Variants in CERS6 observed in about 807,000 individuals in gnomAD.
CERS6 encodes the protein ceramide synthase 6.
Under a neutral mutation model 56.8 loss-of-function variants are expected in CERS6, and 26 were observed. That is an observed-to-expected ratio of 0.46 (90% CI 0.34 to 0.63). The LOEUF is 0.63. Ranked by LOEUF, CERS6 falls within the 30% of genes least tolerant of loss-of-function variation. CERS6 has a pLI of 0.01. For missense variants in CERS6, 415 were observed against 467.5 expected (o/e 0.89, Z 1.04); for synonymous variants, 164 against 173.3 (o/e 0.95, Z 0.42).
intron 8 of CERS6, among the ~76,000 whole-genome samples, chr2:168,722,581 G>A (rs1487823902): frequency 6.6e-6 from 1 of 152,148 alleles, no homozygotes; most frequent in African/African-American, 2.4e-5. Flanking sequence ...CTCTAACGAA[G>A]CAAACTTGTG....
intron 4 of CERS6, among the ~76,000 whole-genome samples, chr2:168,682,151 G>A (rs184752852): frequency 1.5e-3 from 235 of 152,170 alleles, no homozygotes; most frequent in African/African-American, 5.3e-3. Flanking sequence ...TTGGGTTGCT[G>A]GATCATATGG....
chr2:168,731,102 T>C (rs1367370249), intron 8 of CERS6, among the ~76,000 whole-genome samples: 1 of 152,168 alleles, frequency 6.6e-6, no homozygotes, highest in African/African-American at 2.4e-5. Flanking sequence ...GTAATTGATA[T>C]ATAAATATAG....
At chr2:168,657,811 C>T (rs573604174) in intron 4 of CERS6, among the ~76,000 whole-genome samples, 7 of 152,322 alleles carry the variant, frequency 4.6e-5, no homozygotes, top group East Asian at 3.9e-4. Context: ...GGTTCCCGCT[C>T]GTGCCTCTCC....
intron 1 of CERS6, among the ~76,000 whole-genome samples, chr2:168,500,977 G>C (rs1189719512): frequency 1.3e-5 from 2 of 152,236 alleles, no homozygotes; most frequent in Admixed American, 1.3e-4. Flanking sequence ...TGTAGGGCTA[G>C]GCATTTAGAA....
Position 168,730,371 on chromosome 2 carries a change from C to A in CERS6, c.845+12393C>A, listed in dbSNP as rs146345455. Among the ~76,000 whole-genome samples the A allele has an allele frequency of 1.8e-3, 270 of 152,312 alleles. 1 individual carries two copies. Among genetic ancestry groups the A allele is most frequent in the African/African-American group, 6.2e-3 (258 of 41,552 alleles). Reference sequence around the variant, plus strand: ...AGGTCTACTAAAATGCAGACTCTGGCTAGCTGTGACCAGCAGCCTGGTCTG... The same window carrying A: ...AGGTCTACTAAAATGCAGACTCTGGATAGCTGTGACCAGCAGCCTGGTCTG... On this transcript the variant is annotated intron_variant, in intron 8 of 9. Transcript: ENST00000305747.
intron 3 of CERS6, among the ~76,000 whole-genome samples, chr2:168,585,423 T>G (rs1015805211): frequency 1.3e-5 from 2 of 152,252 alleles, no homozygotes; most frequent in East Asian, 1.9e-4. Context: ...CTGAAAAGTA[T>G]GGTCTAATGA....
chr2:168,668,676 A>G (rs919939581), intron 4 of CERS6, among the ~76,000 whole-genome samples: 1 of 151,932 alleles, frequency 6.6e-6, no homozygotes, highest in Non-Finnish European at 1.5e-5. Context: ...CTGGTCCCGA[A>G]CTCCTGACCT....
chr2:168,633,810 C>G (rs1684802468), intron 4 of CERS6, among the ~76,000 whole-genome samples: 1 of 152,130 alleles, frequency 6.6e-6, no homozygotes, highest in South Asian at 2.1e-4. Context: ...ATAAGAAGCA[C>G]ATAGTTCTAT....
chr2:168,554,928 T>A (rs544872173), intron 2 of CERS6, among the ~76,000 whole-genome samples: 17 of 152,108 alleles, frequency 1.1e-4, no homozygotes, highest in Non-Finnish European at 2.1e-4. Flanking sequence ...TATTAGTGTG[T>A]CTGTATATTC....
Position 168,598,471 on chromosome 2 carries a change from TA to T in CERS6, c.408-32505del, listed in dbSNP as rs202243495. Among the ~76,000 whole-genome samples, 1,045 of 151,072 alleles carry T rather than the reference TA, an allele frequency of 6.9e-3. 13 individuals are homozygous for T. The highest frequency in any genetic ancestry group is 0.024 in the African/African-American group (983 of 41,246). On this transcript the variant is annotated intron_variant, in intron 3 of 9. Transcript: ENST00000305747. ...ATGCATTCCTATATATTTTTGATGG[TA>T]AAAAAAAATAATGGCAAGGGGCAAA... is the stretch of plus-strand genomic sequence containing the variant.
At chr2:168,586,266 G>A (rs1025316755) in intron 3 of CERS6, among the ~76,000 whole-genome samples, 1 of 150,016 alleles carries the variant, frequency 6.7e-6, no homozygotes, top group East Asian at 1.9e-4. Context: ...CTGTCTTTTA[G>A]ATAGTCGAAG....
intron 4 of CERS6, among the ~76,000 whole-genome samples, chr2:168,671,523 T>C (rs920962458): frequency 1.3e-5 from 2 of 152,198 alleles, no homozygotes; most frequent in African/African-American, 4.8e-5. Flanking sequence ...TTCTTGGGTG[T>C]CCTCTTAGTT....
At chr2:168,573,194 G>A (rs1696022368) in intron 3 of CERS6, among the ~76,000 whole-genome samples, 1 of 151,858 alleles carries the variant, frequency 6.6e-6, no homozygotes, top group South Asian at 2.1e-4. Context: ...AACCTATGGG[G>A]GAAAAAAAGG....
chr2:168,596,554 C>CG (rs776287253), intron 3 of CERS6, among the ~76,000 whole-genome samples: 44 of 134,072 alleles, frequency 3.3e-4, no homozygotes, highest in Admixed American at 5.0e-4. Flanking sequence ...CATCCCCCCC[C>CG]CTTTTTTTTT....
At position 168,682,755 on chromosome 2, in the gene CERS6, A is replaced by G. The variant is rs137883378; in HGVS notation, c.466-8279A>G. On this transcript the variant is annotated intron_variant, in intron 4 of 9. Transcript: ENST00000305747. ...TTGAGACAGTTACAAGATCCATGCTATGTGGTTCTGCAGGGGCTCCCCATG... is the reference window on the plus strand; with the variant it reads ...TTGAGACAGTTACAAGATCCATGCTGTGTGGTTCTGCAGGGGCTCCCCATG... Among the ~76,000 whole-genome samples the G allele has an allele frequency of 4.0e-3, 613 of 152,250 alleles. 3 individuals carry two copies. The highest frequency in any genetic ancestry group is 0.014 in the African/African-American group (595 of 41,548).
intron 4 of CERS6, among the ~76,000 whole-genome samples, chr2:168,643,363 G>A (rs989016008): frequency 8.5e-5 from 13 of 152,232 alleles, no homozygotes; most frequent in Admixed American, 5.9e-4. Flanking sequence ...TGTTGTTGTC[G>A]GGTGGGGCTA....
At chr2:168,527,797 T>C (rs906638237) in intron 1 of CERS6, among the ~76,000 whole-genome samples, 3 of 152,154 alleles carry the variant, frequency 2.0e-5, no homozygotes, top group African/African-American at 2.4e-5. Context: ...CTCAGCTCAC[T>C]GTACCCTCCA....
intron 8 of CERS6, among the ~76,000 whole-genome samples, chr2:168,719,672 G>A (rs538699195): frequency 1.3e-5 from 2 of 152,054 alleles, no homozygotes; most frequent in African/African-American, 4.8e-5. Flanking sequence ...GTAACACTTG[G>A]CTTATTCTCT....
At chr2:168,558,435 A>G (rs1314936525) in intron 2 of CERS6, among the ~76,000 whole-genome samples, 1 of 152,246 alleles carries the variant, frequency 6.6e-6, no homozygotes, top group Non-Finnish European at 1.5e-5. Flanking sequence ...TATATAGTGA[A>G]AAGGAAATAT....
Sources: gnomAD v4.1 joint callset for allele counts (sites outside exome capture counted in the v4.1 genomes callset) on GRCh38, gnomAD v4.1.1 for gene constraint, MANE v1.5 for transcripts, NCBI Gene and HGNC (gene_info 2026-07-23, HGNC 2026-07-21) for gene names.